The following UBE2E2 variants were observed in gnomAD, a reference collection of about 807,000 sequenced individuals.
UBE2E2 encodes the protein ubiquitin conjugating enzyme E2 E2.
UBE2E2 carries 6 observed loss-of-function variants against 24.7 expected under a neutral mutation model. The observed-to-expected ratio is 0.24, with a 90% CI of 0.13 to 0.48. The LOEUF is 0.48. Among genes scored for constraint, UBE2E2 ranks in the 20% least tolerant of loss-of-function variants. The pLI is 0.99. For missense variants in UBE2E2, 169 were observed against 245.0 expected (o/e 0.69, Z 2.07); for synonymous variants, 104 against 83.6 (o/e 1.24, Z -1.33).
intron 3 of UBE2E2, among the ~76,000 whole-genome samples, chr3:23,456,746 A>G (rs945556252): frequency 2.6e-5 from 4 of 152,198 alleles, no homozygotes; most frequent in Non-Finnish European, 2.9e-5. Context: ...ATTTAGCATA[A>G]TTATTTAAGG....
chr3:23,331,742 G>A (rs1436491463), intron 3 of UBE2E2, among the ~76,000 whole-genome samples: 1 of 152,022 alleles, frequency 6.6e-6, no homozygotes, highest in Non-Finnish European at 1.5e-5. Flanking sequence ...AGAGGAAGTA[G>A]GGGATTGAGC....
At chr3:23,250,497 A>G (rs928106841) in intron 3 of UBE2E2, among the ~76,000 whole-genome samples, 1 of 152,164 alleles carries the variant, frequency 6.6e-6, no homozygotes, top group Admixed American at 6.5e-5. Context: ...CCAGAAAACT[A>G]TTTAGTCCTA....
intron 3 of UBE2E2, among the ~76,000 whole-genome samples, chr3:23,384,218 A>G (rs994492912): frequency 6.6e-6 from 1 of 152,202 alleles, no homozygotes. Context: ...ACTGGAGTAT[A>G]GTGTCACGAG....
chr3:23,321,226 C>T (rs1694729262), intron 3 of UBE2E2, among the ~76,000 whole-genome samples: 1 of 152,204 alleles, frequency 6.6e-6, no homozygotes, highest in Admixed American at 6.5e-5. Context: ...CTCTGATTAA[C>T]TTACAGATTT....
chr3:23,519,953 T>C (rs1694826431), intron 4 of UBE2E2, among the ~76,000 whole-genome samples: 2 of 152,348 alleles, frequency 1.3e-5, no homozygotes, highest in Non-Finnish European at 2.9e-5. Context: ...TGAATATCAT[T>C]AAACATTTCT....
chr3:23,470,129 A>G lies in UBE2E2; in HGVS notation c.228-29479A>G, dbSNP rs146398200. On this transcript the variant is annotated intron_variant, in intron 3 of 5. Coordinates refer to ENST00000396703, the MANE Select transcript of UBE2E2 (RefSeq NM_152653.4). Reference sequence around the variant, plus strand: ...CCAGCAATCAGATATGGAGGCCGCAATTAATACATTAGGATCCACCAGGAG... The same window carrying G: ...CCAGCAATCAGATATGGAGGCCGCAGTTAATACATTAGGATCCACCAGGAG... Among the ~76,000 whole-genome samples the G allele has an allele frequency of 3.2e-4, 49 of 152,336 alleles. No individual in the cohort carries two copies. In the East Asian group the frequency reaches 8.3e-3, roughly 26 times the overall value.
rs78297313 is a variant in UBE2E2 at position 23,233,103 on chromosome 3, T to C, written c.227+15791T>C. Among the ~76,000 whole-genome samples, 1,375 of 152,266 alleles carry C rather than the reference T, an allele frequency of 9.0e-3. 29 individuals are homozygous for C. Among genetic ancestry groups the C allele is most frequent in the African/African-American group, 0.032 (1,334 of 41,546 alleles). On this transcript the variant is annotated intron_variant, in intron 3 of 5. Coordinates refer to ENST00000396703, the MANE Select transcript of UBE2E2 (RefSeq NM_152653.4). ...GTTAGTTGGTGAGTAAGGGAGACTG[T>C]AGGGGTGCAGTGGAGTGAGGGAGTT...
chr3:23,584,191 C>T (rs535531737), intron 5 of UBE2E2, among the ~76,000 whole-genome samples: 9 of 152,160 alleles, frequency 5.9e-5, no homozygotes, highest in East Asian at 1.9e-4. Flanking sequence ...TTTTTGTTTG[C>T]GTTGTTTATG....
intron 3 of UBE2E2, among the ~76,000 whole-genome samples, chr3:23,273,284 A>G (rs1221606376): frequency 6.6e-6 from 1 of 152,226 alleles, no homozygotes; most frequent in Non-Finnish European, 1.5e-5. Context: ...TCACGCCTGT[A>G]ATCCCAGCAC....
rs368181757 is a variant in UBE2E2 at position 23,589,698 on chromosome 3, G to A, written c.509-36G>A. The A allele has an allele frequency of 2.0e-5, 32 of 1,606,962 alleles. No homozygotes were observed. In the African/African-American group the frequency reaches 2.8e-4, roughly 14 times the overall value. On this transcript the variant is annotated intron_variant, in intron 5 of 5. Coordinates refer to ENST00000396703, the MANE Select transcript of UBE2E2 (RefSeq NM_152653.4). The surrounding 1 kb of genome is among the most constrained non-coding windows in gnomAD (Gnocchi z 4.1). The stretch of plus-strand genomic sequence containing the variant: ...TGAACACTTCTTCCCCCACAGTGCT[G>A]GTATTTACTGACTCCCAACTCTGCT...
Position 23,591,346 on chromosome 3 carries a change from T to C in UBE2E2, c.*1515T>C, listed in dbSNP as rs1696757802. The C allele has an allele frequency of 6.6e-6, 1 of 152,216 alleles. No homozygotes were observed. The highest frequency in any genetic ancestry group is 1.5e-5 in the Non-Finnish European group (1 of 68,034). The allele number at this position is 152,216 out of a possible 1,614,324, so 9.4% of individuals were successfully genotyped here. On this transcript the variant is annotated 3_prime_UTR_variant, in exon 6 of 6. Coordinates refer to ENST00000396703, the MANE Select transcript of UBE2E2 (RefSeq NM_152653.4). ...ATAAGTCATCCACCTCTAAATATTT[T>C]AACATTTAAAATGCCTGATTCAAAA... is the stretch of plus-strand genomic sequence containing the variant.
intron 3 of UBE2E2, among the ~76,000 whole-genome samples, chr3:23,403,781 C>T (rs1826847): frequency 3.4e-5 from 5 of 146,548 alleles, no homozygotes; most frequent in Non-Finnish European, 7.4e-5. Context: ...CCGAGATTGC[C>T]TGGGCGACAA....
intron 3 of UBE2E2, among the ~76,000 whole-genome samples, chr3:23,449,015 C>T (rs1575637381): frequency 6.6e-6 from 1 of 152,132 alleles, no homozygotes; most frequent in Non-Finnish European, 1.5e-5. Context: ...CCATAGAGTT[C>T]TATTGAATTG....
chr3:23,383,297 A>G (rs1696721164), intron 3 of UBE2E2, among the ~76,000 whole-genome samples: 2 of 152,112 alleles, frequency 1.3e-5, no homozygotes, highest in African/African-American at 4.8e-5. Flanking sequence ...TGATGTAGAA[A>G]TGTTCAGTGA....
intron 1 of UBE2E2, chr3:23,204,698 C>T: frequency 1.0e-6 from 1 of 985,370 alleles, no homozygotes; most frequent in South Asian, 4.7e-5. Flanking sequence ...ACCTTTTACC[C>T]CCAAATCAGG....
At chr3:23,295,659 C>A (rs892711755) in intron 3 of UBE2E2, among the ~76,000 whole-genome samples, 1 of 152,112 alleles carries the variant, frequency 6.6e-6, no homozygotes, top group Non-Finnish European at 1.5e-5. Context: ...AATACCTACA[C>A]GAGAGGGAGT....
intron 3 of UBE2E2, among the ~76,000 whole-genome samples, chr3:23,284,463 C>G (rs1241695717): frequency 6.6e-6 from 1 of 151,998 alleles, no homozygotes; most frequent in Non-Finnish European, 1.5e-5. Flanking sequence ...CTTTGGGGAG[C>G]ACTCCCCAAG....
rs1255233852 is a variant in UBE2E2, at chr3:23,532,683, C to G, written c.490C>G (p.Leu164Val). The G allele has an allele frequency of 6.5e-7, 1 of 1,547,268 alleles. No homozygotes were observed. ...AGTTCTCCTCTCCATCTGCTCACTT[C>G]TTACAGATTGCAACCCTGGTAAGAG... ...SKVLLSICSL[L>V]TDCNPADPLV... Residue 164 changes from leucine to valine, a missense_variant, in exon 5 of 6, where the codon CTT becomes GTT. By Grantham distance (32) the Leu-to-Val change is conservative. This residue lies in a region of UBE2E2 where 105 missense variants were observed against 180.7 expected (regional missense o/e 0.58). Coordinates refer to ENST00000396703, the MANE Select transcript of UBE2E2 (RefSeq NM_152653.4).
At chr3:23,312,506 C>T (rs1412482542) in intron 3 of UBE2E2, among the ~76,000 whole-genome samples, 2 of 151,842 alleles carry the variant, frequency 1.3e-5, no homozygotes, top group African/African-American at 2.4e-5. Flanking sequence ...AACCATCCCA[C>T]GTTTCCCCAA....
Sources: allele counts gnomAD v4.1 joint callset (sites outside exome capture counted in the v4.1 genomes callset), GRCh38; gene constraint gnomAD v4.1.1; regional missense constraint gnomAD v4.1.1; non-coding constraint Gnocchi (gnomAD v3.1); transcripts MANE v1.5; gene names NCBI Gene and HGNC (gene_info 2026-07-23, HGNC 2026-07-21).